HDAC9: variants seen among roughly 807,000 people sequenced by gnomAD.
HDAC9 encodes the protein MEF-2 interacting transcription repressor (MITR) protein.
In HDAC9, 41 loss-of-function variants were observed where a neutral mutation model predicts 139.4. That is an observed-to-expected ratio of 0.29 (90% CI 0.23 to 0.38). The LOEUF (loss-of-function observed/expected upper bound fraction) is 0.38, where lower values mean the gene tolerates loss of function less well. Among genes scored for constraint, HDAC9 ranks in the 10% least tolerant of loss-of-function variants. The probability of loss-of-function intolerance (pLI) is 1.00; values close to 1 mark genes in which losing one functional copy is unlikely to be tolerated. For synonymous variants in HDAC9, 517 were observed against 476.2 expected, an observed-to-expected ratio of 1.09 and a Z score of -1.12; for missense variants, 1,147 against 1,297.0, an observed-to-expected ratio of 0.88 and a Z score of 1.78.
chr7:18,348,485 A>G (rs1162973691), intron 1 of HDAC9, among the ~76,000 whole-genome samples: 3 of 152,168 alleles, frequency 2.0e-5, no homozygotes, highest in Admixed American at 6.5e-5. Flanking sequence ...GAAATGCTTA[A>G]TTTTTCTGAA....
upstream of HDAC9, among the ~76,000 whole-genome samples, chr7:18,288,307 A>T (rs1049092006): frequency 2.0e-4 from 30 of 152,204 alleles, no homozygotes; most frequent in African/African-American, 6.0e-4. Context: ...TGTGTTCTTT[A>T]CTTTTACCAT....
At chr7:18,663,954 C>T (rs1394146387) in intron 11 of HDAC9, among the ~76,000 whole-genome samples, 1 of 152,104 alleles carries the variant, frequency 6.6e-6, no homozygotes, top group African/African-American at 2.4e-5. Context: ...GTTTGTTACC[C>T]AGTGTCCTTA....
chr7:18,405,429 T>C (rs183546996), intron 1 of HDAC9, among the ~76,000 whole-genome samples: 1 of 152,322 alleles, frequency 6.6e-6, no homozygotes, highest in East Asian at 1.9e-4. Flanking sequence ...CCCCCTATCT[T>C]ACTCACTTTT....
chr7:18,969,751 A>T (rs746635840), intron 24 of HDAC9, among the ~76,000 whole-genome samples: 12 of 152,226 alleles, frequency 7.9e-5, no homozygotes, highest in Non-Finnish European at 1.3e-4. Context: ...TATGCAGTAC[A>T]GAAGAAGAAA....
At chr7:18,629,638 C>T (rs1408892601) in intron 7 of HDAC9, among the ~76,000 whole-genome samples, 157 bp downstream of exon 7, 2 of 151,946 alleles carry the variant, frequency 1.3e-5, no homozygotes, top group Non-Finnish European at 2.9e-5. Flanking sequence ...TTCAATAAAC[C>T]TTGCTATGCA....
chr7:18,422,644 C>T (rs1270477475), intron 1 of HDAC9, among the ~76,000 whole-genome samples: 1 of 151,688 alleles, frequency 6.6e-6, no homozygotes, highest in Admixed American at 6.6e-5. Context: ...GGCAATAGGT[C>T]ATGGGAAAGG....
intron 22 of HDAC9, among the ~76,000 whole-genome samples, chr7:18,889,857 C>G (rs79375699): frequency 4.6e-5 from 7 of 152,150 alleles, no homozygotes; most frequent in Admixed American, 6.5e-5. Flanking sequence ...GATACCATGC[C>G]CAACTCATTT....
intron 2 of HDAC9, among the ~76,000 whole-genome samples, chr7:18,573,438 G>A (rs747029617): frequency 6.6e-6 from 1 of 152,214 alleles, no homozygotes; most frequent in Non-Finnish European, 1.5e-5. Flanking sequence ...TCGCTAGGGC[G>A]TTGCTTCATC....
chr7:18,858,610 T>C (rs542005722), intron 21 of HDAC9, among the ~76,000 whole-genome samples: 1 of 152,334 alleles, frequency 6.6e-6, no homozygotes, highest in East Asian at 1.9e-4. Flanking sequence ...ATTTCCTATC[T>C]AGAATGTTTG....
chr7:18,166,159 G>GA (rs1467371697), intron 2 of HDAC9, among the ~76,000 whole-genome samples: 1 of 152,166 alleles, frequency 6.6e-6, no homozygotes, highest in Non-Finnish European at 1.5e-5. Context: ...TCCAAGCATA[G>GA]AACACAATGT....
intron 21 of HDAC9, among the ~76,000 whole-genome samples, chr7:18,848,672 C>G (rs552030707): frequency 2.6e-5 from 4 of 152,068 alleles, no homozygotes; most frequent in African/African-American, 9.6e-5. Context: ...GGTGGTATTT[C>G]TTTTTTAATG....
intron 25 of HDAC9, among the ~76,000 whole-genome samples, chr7:18,979,913 C>A (rs567995452): frequency 6.6e-6 from 1 of 152,310 alleles, no homozygotes; most frequent in South Asian, 2.1e-4. Flanking sequence ...GAGGCCCCAC[C>A]TCCCACACTG....
intron 6 of HDAC9, among the ~76,000 whole-genome samples, chr7:18,596,933 A>C (rs1405881197): frequency 1.3e-5 from 2 of 152,102 alleles, no homozygotes; most frequent in African/African-American, 4.8e-5. Flanking sequence ...ACATTGATTG[A>C]GATAGCCCTA....
At chr7:18,784,116 G>A (rs942053368) in intron 16 of HDAC9, among the ~76,000 whole-genome samples, 3 of 104,780 alleles carry the variant, frequency 2.9e-5, no homozygotes, top group Non-Finnish European at 6.2e-5. Flanking sequence ...AGTCTTTCTG[G>A]GTATTATTAT....
intron 1 of HDAC9, among the ~76,000 whole-genome samples, chr7:18,374,174 A>G (rs954969527): frequency 2.0e-5 from 3 of 150,662 alleles, no homozygotes; most frequent in Admixed American, 1.3e-4. Flanking sequence ...TAGTACATGC[A>G]TAAATCTAGT....
intron 14 of HDAC9, among the ~76,000 whole-genome samples, chr7:18,760,552 C>G (rs1789293277): frequency 6.6e-6 from 1 of 152,154 alleles, no homozygotes; most frequent in Non-Finnish European, 1.5e-5. Flanking sequence ...CTAAATCATA[C>G]TTTTATTTTT....
At chr7:18,858,169 A>G (rs986379923) in intron 21 of HDAC9, among the ~76,000 whole-genome samples, 1 of 152,190 alleles carries the variant, frequency 6.6e-6, no homozygotes, top group Non-Finnish European at 1.5e-5. Flanking sequence ...AAAGCTAGCT[A>G]TCTGTGCATA....
intron 21 of HDAC9, among the ~76,000 whole-genome samples, chr7:18,850,789 T>A (rs1458578741): frequency 1.3e-5 from 2 of 152,142 alleles, no homozygotes; most frequent in African/African-American, 4.8e-5. Context: ...AGCCCAAGAT[T>A]CAGGCGTCAG....
intron 2 of HDAC9, among the ~76,000 whole-genome samples, chr7:18,205,475 T>C (rs1331391119): frequency 6.6e-6 from 1 of 152,048 alleles, no homozygotes; most frequent in Non-Finnish European, 1.5e-5. Context: ...AAAACAGACA[T>C]GTAAAAATGT....
Sources: gnomAD v4.1 joint callset for allele counts (sites outside exome capture counted in the v4.1 genomes callset) on GRCh38, gnomAD v4.1.1 for gene constraint, MANE v1.5 for transcripts, NCBI Gene and HGNC (gene_info 2026-07-23, HGNC 2026-07-21) for gene names.